The following ADD3 variants were observed in gnomAD, a reference collection of about 807,000 sequenced individuals.
The protein encoded by ADD3 is gamma-adducin.
ADD3 carries 25 observed loss-of-function variants against 80.2 expected under a neutral mutation model. That is an observed-to-expected ratio of 0.31 (90% confidence interval 0.23 to 0.44). The LOEUF is 0.44. Among genes scored for constraint, ADD3 ranks in the 20% least tolerant of loss-of-function variants. The pLI is 1.00. For missense variants in ADD3, 829 were observed against 847.5 expected (o/e 0.98, Z 0.27); for synonymous variants, 284 against 289.6 (o/e 0.98, Z 0.20).
upstream of ADD3, among the ~76,000 whole-genome samples, chr10:110,003,649 G>A (rs925300883): frequency 6.6e-6 from 1 of 152,102 alleles, no homozygotes; most frequent in Admixed American, 6.5e-5. Context: ...ATAACCAGTT[G>A]GTGTTACATC....
In ADD3 at chr10:110,058,520, A is replaced by T. The variant is rs138116487; in HGVS notation, c.-29-42105A>T. ...TGAGAGTTAGCTCCATTCTTTGTGT[A>T]TCATACCCACGGTGATAGTACTTTG... On this transcript the variant is annotated intron_variant, in intron 1 of 14. Coordinates refer to ENST00000356080, the MANE Select transcript of ADD3 (RefSeq NM_016824.5). Among the ~76,000 whole-genome samples the T allele has an allele frequency of 5.5e-4, 84 of 152,308 alleles. No homozygotes were observed. The East Asian group carries it at 0.014, about 26-fold the overall frequency.
chr10:110,125,914 A>T lies in ADD3; in HGVS notation c.1490A>T (p.Asn497Ile). Residue 497 changes from asparagine (N) to isoleucine (I), a missense_variant, in exon 11 of 15, where the codon AAC becomes ATC. Transcript: ENST00000356080. Reference sequence around the variant, plus strand: ...AATCAGTTTGTTCCTTTAAACACAAACCCGAATGAGGTACTAGAAAAGAGA... The same window carrying T: ...AATCAGTTTGTTCCTTTAAACACAATCCCGAATGAGGTACTAGAAAAGAGA... Reference protein sequence around the residue: ...DPNQFVPLNTNPNEVLEKRNK... With the variant: ...DPNQFVPLNTIPNEVLEKRNK... The T allele has an allele frequency of 6.2e-7, 1 of 1,608,814 alleles. No homozygotes were observed. The highest frequency in any genetic ancestry group is 8.5e-7 in the Non-Finnish European group (1 of 1,176,436).
intron 1 of ADD3, among the ~76,000 whole-genome samples, chr10:110,068,036 A>G (rs1052416179): frequency 1.4e-4 from 22 of 152,252 alleles, no homozygotes; most frequent in African/African-American, 4.8e-4. Context: ...AGTTAAACAA[A>G]ACCAAAATTG....
intron 1 of ADD3, among the ~76,000 whole-genome samples, chr10:110,033,101 A>G (rs189710667): frequency 2.0e-5 from 3 of 152,356 alleles, no homozygotes; most frequent in East Asian, 1.9e-4. Flanking sequence ...GGTCGATTAT[A>G]TAATGTGTGT....
intron 1 of ADD3, among the ~76,000 whole-genome samples, chr10:110,096,279 G>A: frequency 6.6e-6 from 1 of 152,076 alleles, no homozygotes; most frequent in East Asian, 1.9e-4. Flanking sequence ...TTGTTAGTTT[G>A]TGCTCTCATT....
At chr10:110,089,377 A>C (rs567031034) in intron 1 of ADD3, among the ~76,000 whole-genome samples, 1 of 152,258 alleles carries the variant, frequency 6.6e-6, no homozygotes, top group Admixed American at 6.5e-5. Context: ...CTCTAATAGC[A>C]GGGAACTCAA....
At chr10:110,007,797 C>T (rs1338541175), upstream of ADD3, among the ~76,000 whole-genome samples, 1 of 149,136 alleles carries the variant, frequency 6.7e-6, no homozygotes, top group Non-Finnish European at 1.5e-5. Flanking sequence ...CTCGGGGCTG[C>T]CAGAGGCGAG....
chr10:110,068,856 C>T (rs545537133), intron 1 of ADD3, among the ~76,000 whole-genome samples: 41 of 152,124 alleles, frequency 2.7e-4, no homozygotes, highest in African/African-American at 9.2e-4. Context: ...GGAGCTGGAT[C>T]ACTTGAGCGC....
chr10:109,996,455 T>C (rs1231601198), intron 1 of ADD3: 1 of 152,196 alleles, frequency 6.6e-6, no homozygotes, highest in Non-Finnish European at 1.5e-5. Flanking sequence ...AGGTAAGTCA[T>C]TAATTTCTTA....
chr10:110,134,410 T>A lies in ADD3; in HGVS notation c.*792T>A, dbSNP rs921970468. On this transcript the variant is annotated 3_prime_UTR_variant, in exon 15 of 15. Transcript: ENST00000356080. ...AGTGTCCTAAGCATATTAGCCAATC[T>A]TTTCACAGTAGAGCATACTTAAGGC... 6 of 152,594 alleles carry A rather than the reference T, an allele frequency of 3.9e-5. No homozygotes were observed. Among genetic ancestry groups the A allele is most frequent in the African/African-American group, 1.4e-4 (6 of 41,444 alleles). 9.5% of individuals were successfully genotyped at this position (152,594 alleles called of 1,614,324 possible).
At chr10:110,000,896 A>C (rs1467765917), upstream of ADD3, among the ~76,000 whole-genome samples, 1 of 152,236 alleles carries the variant, frequency 6.6e-6, no homozygotes, top group East Asian at 1.9e-4. Context: ...GGTATGTTTT[A>C]AGAGCTCAAA....
chr10:110,102,149 C>A (rs943767237), intron 2 of ADD3, among the ~76,000 whole-genome samples: 2 of 152,058 alleles, frequency 1.3e-5, no homozygotes, highest in Non-Finnish European at 2.9e-5. Flanking sequence ...GAAACTCTTT[C>A]CAAATGGAAA....
intron 10 of ADD3, among the ~76,000 whole-genome samples, chr10:110,125,516 T>C (rs1852037461): frequency 6.6e-6 from 1 of 151,844 alleles, no homozygotes; most frequent in African/African-American, 2.4e-5. Flanking sequence ...TGTGAGTGAA[T>C]GTGAGATCAT....
chr10:110,011,367 A>AGTT (rs1218602631), intron 1 of ADD3, among the ~76,000 whole-genome samples: 1 of 152,236 alleles, frequency 6.6e-6, no homozygotes, highest in Non-Finnish European at 1.5e-5. Flanking sequence ...TCACCATTGT[A>AGTT]GTTGATATGT....
intron 1 of ADD3, among the ~76,000 whole-genome samples, chr10:110,021,663 A>G (rs1291161832): frequency 6.6e-6 from 1 of 152,238 alleles, no homozygotes; most frequent in African/African-American, 2.4e-5. Context: ...ATAGACATTT[A>G]TAGAGACAGA....
upstream of ADD3, among the ~76,000 whole-genome samples, chr10:110,007,587 C>G (rs1405882819): frequency 6.6e-6 from 1 of 152,134 alleles, no homozygotes; most frequent in South Asian, 2.1e-4. Flanking sequence ...CCTCCGGGGA[C>G]GCCGCGGATT....
intron 2 of ADD3, among the ~76,000 whole-genome samples, chr10:110,111,370 AACTT>A (rs1207871829): frequency 6.6e-6 from 1 of 152,212 alleles, no homozygotes; most frequent in Non-Finnish European, 1.5e-5. Context: ...ACAAATGACA[AACTT>A]AATAAGTGTT....
intron 9 of ADD3, among the ~76,000 whole-genome samples, chr10:110,123,140 C>T (rs1315088397): frequency 6.6e-6 from 1 of 152,290 alleles, no homozygotes; most frequent in East Asian, 1.9e-4. Context: ...AGGATGATTC[C>T]ATATCTTGGC....
At chr10:110,132,134 C>G (rs963917934) in intron 13 of ADD3, among the ~76,000 whole-genome samples, 171 bp from the exon 14 acceptor site, 1 of 152,208 alleles carries the variant, frequency 6.6e-6, no homozygotes, top group African/African-American at 2.4e-5. Flanking sequence ...TTAACCTCCT[C>G]TTAATGTATA....
Sources: gnomAD v4.1 joint callset for allele counts (sites outside exome capture counted in the v4.1 genomes callset) on GRCh38, gnomAD v4.1.1 for gene constraint, MANE v1.5 for transcripts, NCBI Gene and HGNC (gene_info 2026-07-23, HGNC 2026-07-21) for gene names.